Variants in INVS observed in about 807,000 individuals in gnomAD.
INVS encodes the protein inversion of embryo turning homolog.
In INVS, 86 loss-of-function variants were observed where a neutral mutation model predicts 108.8. The observed-to-expected ratio is 0.79, with a 90% CI of 0.66 to 0.95. The LOEUF (loss-of-function observed/expected upper bound fraction) is 0.95. INVS is among the 40% of genes least tolerant of loss of function. The probability of loss-of-function intolerance (pLI) is 0.00; values close to 1 mark genes in which losing one functional copy is unlikely to be tolerated. For synonymous variants in INVS, 455 were observed against 473.5 expected, an observed-to-expected ratio of 0.96 and a Z score of 0.51; for missense variants, 1,169 against 1,297.4, an observed-to-expected ratio of 0.90 and a Z score of 1.52.
At chr9:100,207,807 T>G (rs1395352450) in intron 3 of INVS, among the ~76,000 whole-genome samples, 2 of 152,194 alleles carry the variant, frequency 1.3e-5, no homozygotes, top group African/African-American at 4.8e-5. Flanking sequence ...TTTTTAATAG[T>G]TTTTCAAAAT....
intron 12 of INVS, among the ~76,000 whole-genome samples, chr9:100,280,967 A>G (rs946648340): frequency 2.0e-5 from 3 of 152,136 alleles, no homozygotes; most frequent in Admixed American, 1.3e-4. Flanking sequence ...CAAGGTTACA[A>G]TGAGCTATGA....
intron 3 of INVS, among the ~76,000 whole-genome samples, chr9:100,186,904 T>TG (rs890432998): frequency 6.6e-6 from 1 of 152,192 alleles, no homozygotes; most frequent in East Asian, 1.9e-4. Flanking sequence ...AAATTTGCTT[T>TG]GGGGGGTCTT....
chr9:100,151,873 T>C (rs1019732602), intron 3 of INVS, among the ~76,000 whole-genome samples: 6 of 152,224 alleles, frequency 3.9e-5, no homozygotes, highest in African/African-American at 1.4e-4. Flanking sequence ...GAGCTCAGAG[T>C]GTTACATGAC....
chr9:100,284,173 C>A, intron 12 of INVS, 147 bp from the exon 13 acceptor site: 1 of 908,908 alleles, frequency 1.1e-6, no homozygotes, highest in Non-Finnish European at 1.7e-6. Flanking sequence ...TTTATTTTAT[C>A]TGGAGAAAAG....
chr9:100,170,999 T>G (rs1477988678), intron 3 of INVS, among the ~76,000 whole-genome samples: 2 of 152,302 alleles, frequency 1.3e-5, no homozygotes, highest in African/African-American at 4.8e-5. Context: ...GGTGTTGTGG[T>G]GAAGAATGGC....
At chr9:100,279,903 G>C (rs1833226232) in intron 12 of INVS, among the ~76,000 whole-genome samples, 1 of 152,134 alleles carries the variant, frequency 6.6e-6, no homozygotes, top group African/African-American at 2.4e-5. Context: ...GGCACATAGT[G>C]GGGTAGAAAA....
At chr9:100,100,778 A>AAT (rs1478219091) in intron 1 of INVS, among the ~76,000 whole-genome samples, 1,510 of 13,952 alleles carry the variant, frequency 0.11, 454 homozygotes, top group Middle Eastern at 0.38. Context: ...ATGTATATAT[A>AAT]ATATATATTA....
chr9:100,231,388 G>A (rs1285492541), intron 5 of INVS, among the ~76,000 whole-genome samples: 1 of 151,686 alleles, frequency 6.6e-6, no homozygotes, highest in Non-Finnish European at 1.5e-5. Flanking sequence ...TGTAAGTTCT[G>A]GGATACAGGT....
Position 100,236,796 on chromosome 9 carries a change from C to A in INVS, c.616-3264C>A, listed in dbSNP as rs1042128379. Among the ~76,000 whole-genome samples, 7 of 152,214 alleles carry A rather than the reference C, an allele frequency of 4.6e-5. No homozygotes were observed. In the South Asian group the frequency reaches 6.2e-4, roughly 14 times the overall value. On this transcript the variant is annotated intron_variant, in intron 5 of 16. Coordinates refer to ENST00000262457, the MANE Select transcript of INVS (RefSeq NM_014425.5). ...CTCTCCTGTATGAGGTGTCTGCCGA[C>A]CCCTGCTGGGAGGTGTCTCCCAGTG...
intron 3 of INVS, among the ~76,000 whole-genome samples, chr9:100,133,615 A>G (rs1258214537): frequency 6.6e-6 from 1 of 152,158 alleles, no homozygotes; most frequent in African/African-American, 2.4e-5. Context: ...CTACTACATG[A>G]CCAGTGGAAT....
Position 100,240,306 on chromosome 9 carries a change from C to T in INVS, c.796+66C>T, listed in dbSNP as rs775588905. On this transcript the variant is annotated intron_variant, in intron 6 of 16. Transcript: ENST00000262457. ...AGTATAGGAATATTTCTGTGCCTTCCCTTCCACTGTTTACTCCCAACTCCT... is the reference window on the plus strand; with the variant it reads ...AGTATAGGAATATTTCTGTGCCTTCTCTTCCACTGTTTACTCCCAACTCCT... The T allele has an allele frequency of 1.2e-4, 147 of 1,238,038 alleles. 2 individuals carry two copies. The Middle Eastern group carries it at 1.4e-3, about 12-fold the overall frequency. The allele number at this position is 1,238,038 out of a possible 1,614,324, so 76.7% of individuals were successfully genotyped here.
chr9:100,162,952 CAT>C (rs1279468045), intron 3 of INVS, among the ~76,000 whole-genome samples: 1 of 152,104 alleles, frequency 6.6e-6, no homozygotes, highest in Non-Finnish European at 1.5e-5. Flanking sequence ...AGAGGATGGG[CAT>C]ATATATTAGC....
chr9:100,175,045 C>T (rs1454165012), intron 3 of INVS: 4 of 197,186 alleles, frequency 2.0e-5, no homozygotes, highest in Non-Finnish European at 4.2e-5. Flanking sequence ...GAACTCACTT[C>T]ATCCCAACTT....
At chr9:100,161,326 T>A (rs73507822) in intron 3 of INVS, among the ~76,000 whole-genome samples, 1 of 125,472 alleles carries the variant, frequency 8.0e-6, no homozygotes. Flanking sequence ...ACCACTGCAC[T>A]CCAGCCCAGC....
intron 3 of INVS, among the ~76,000 whole-genome samples, chr9:100,221,734 G>A (rs940577910): frequency 4.6e-5 from 7 of 151,406 alleles, no homozygotes; most frequent in African/African-American, 1.2e-4. Flanking sequence ...CATTATCCAC[G>A]GTTTTGCTTT....
chr9:100,211,643 G>T (rs776291593), intron 3 of INVS, among the ~76,000 whole-genome samples: 42 of 152,166 alleles, frequency 2.8e-4, no homozygotes, highest in Admixed American at 2.6e-4. Context: ...AGGCATTGGG[G>T]GGAAATATTA....
At chr9:100,186,001 A>G (rs567635124) in intron 3 of INVS, among the ~76,000 whole-genome samples, 3 of 152,314 alleles carry the variant, frequency 2.0e-5, no homozygotes, top group East Asian at 1.9e-4. Flanking sequence ...TTGTGCTGCA[A>G]TATACATATG....
At chr9:100,111,725 G>T (rs1331492287) in intron 2 of INVS, among the ~76,000 whole-genome samples, 1 of 152,156 alleles carries the variant, frequency 6.6e-6, no homozygotes, top group Non-Finnish European at 1.5e-5. Flanking sequence ...TGTTTTATTG[G>T]ATCATCAAAC....
intron 3 of INVS, among the ~76,000 whole-genome samples, chr9:100,163,529 G>A (rs1829260935): frequency 6.6e-6 from 1 of 152,112 alleles, no homozygotes; most frequent in South Asian, 2.1e-4. Flanking sequence ...CATTTTGTTG[G>A]TGGGAAACAA....
Sources: allele counts gnomAD v4.1 joint callset (sites outside exome capture counted in the v4.1 genomes callset), GRCh38; gene constraint gnomAD v4.1.1; transcripts MANE v1.5; gene names NCBI Gene and HGNC (gene_info 2026-07-23, HGNC 2026-07-21).